Variants in TMEM67 observed in about 807,000 individuals in gnomAD.
TMEM67 encodes the protein meckelin.
A neutral mutation model predicts 136.6 loss-of-function variants in TMEM67; 124 were observed. The observed-to-expected ratio is 0.91, with a 90% CI of 0.78 to 1.05. The LOEUF is 1.05. TMEM67 is among the 50% of genes least tolerant of loss of function. The pLI, the probability that TMEM67 is intolerant of heterozygous loss-of-function variation, is 0.00. For synonymous variants in TMEM67, 364 were observed against 390.5 expected, an observed-to-expected ratio of 0.93 and a Z score of 0.80; for missense variants, 1,107 against 1,178.4, an observed-to-expected ratio of 0.94 and a Z score of 0.89.
intron 13 of TMEM67, 92 bp from the exon 14 acceptor site, chr8:93,787,752 A>G (rs1814175985): frequency 2.0e-6 from 2 of 1,006,260 alleles, no homozygotes; most frequent in Non-Finnish European, 3.2e-6. Context: ...TCATCAGACA[A>G]TTCATATTAA....
Position 93,786,278 on chromosome 8 carries a change from A to G in TMEM67, c.1344A>G (p.Val448=). The change falls in exon 13 of 28, where the codon GTA becomes GTG. Residue 448 remains valine, a synonymous_variant. Coordinates refer to ENST00000453321, the MANE Select transcript of TMEM67 (RefSeq NM_153704.6). ...GGCGCATTTTCTTAGTGGATGCAGT[A>G]AGTGGACGAGAAAATGACTTAGGAA... The part of the protein sequence containing the change: ...LTRRIFLVDA[V]SGRENDLGTQ... 1 of 1,614,032 alleles carries G rather than the reference A, an allele frequency of 6.2e-7. No homozygotes were observed. Among genetic ancestry groups the G allele is most frequent in the East Asian group, 2.2e-5 (1 of 44,864 alleles).
intron 16 of TMEM67, among the ~76,000 whole-genome samples, chr8:93,794,256 G>A (rs1210081161): frequency 6.6e-6 from 1 of 151,784 alleles, no homozygotes; most frequent in Non-Finnish European, 1.5e-5. Flanking sequence ...CGTGCTTTTG[G>A]GATCTTGTTT....
intron 3 of TMEM67, among the ~76,000 whole-genome samples, chr8:93,763,567 T>C (rs1812942864): frequency 6.6e-6 from 1 of 152,216 alleles, no homozygotes; most frequent in Non-Finnish European, 1.5e-5. Flanking sequence ...GACTTAATTG[T>C]TACGATGACT....
At chr8:93,799,904 C>CTTT (rs35554591) in intron 21 of TMEM67, 146 bp downstream of exon 21, 133 of 347,716 alleles carry the variant, frequency 3.8e-4, no homozygotes, top group African/African-American at 9.5e-4. Context: ...ATGGTCAGTT[C>CTTT]TTTTTTTTTT....
At chr8:93,756,083 A>G in intron 2 of TMEM67, 1 of 438,022 alleles carries the variant, frequency 2.3e-6, no homozygotes, top group Non-Finnish European at 4.0e-6. Flanking sequence ...CTGAAATCCA[A>G]AAACCACAAA....
chr8:93,829,494 C>T, the TMEM67 span, among the ~76,000 whole-genome samples: 1 of 152,016 alleles, frequency 6.6e-6, no homozygotes, highest in Admixed American at 6.6e-5. Flanking sequence ...TGGATCTACT[C>T]CTCTAACTAC....
At chr8:93,786,773 A>C (rs1273764077) in intron 13 of TMEM67, among the ~76,000 whole-genome samples, 2 of 152,152 alleles carry the variant, frequency 1.3e-5, no homozygotes, top group Non-Finnish European at 2.9e-5. Context: ...TCTCATTATG[A>C]TCCTACGTTA....
chr8:93,755,898 T>A, intron 2 of TMEM67, 32 bp downstream of exon 2: 1 of 1,186,764 alleles, frequency 8.4e-7, no homozygotes, highest in Non-Finnish European at 1.2e-6. Flanking sequence ...ATAACTTACC[T>A]GTAAAAAGTA....
chr8:93,797,545 A>G, intron 20 of TMEM67, 75 bp downstream of exon 20: 1 of 1,418,884 alleles, frequency 7.0e-7, no homozygotes, highest in Non-Finnish European at 9.8e-7. Flanking sequence ...ATTCCAACTA[A>G]GTTTTCATGA....
intron 4 of TMEM67, among the ~76,000 whole-genome samples, chr8:93,764,654 A>G (rs1386652422): frequency 6.6e-6 from 1 of 152,158 alleles, no homozygotes; most frequent in Non-Finnish European, 1.5e-5. Flanking sequence ...CAAGTTTAAT[A>G]TGGAAAATAG....
chr8:93,762,513 G>A (rs775748612), intron 3 of TMEM67, among the ~76,000 whole-genome samples: 3 of 151,832 alleles, frequency 2.0e-5, no homozygotes, highest in South Asian at 2.1e-4. Flanking sequence ...TTTCAGAGAC[G>A]TGGTCTTGTT....
chr8:93,766,682 T>C (rs561337517), intron 6 of TMEM67, among the ~76,000 whole-genome samples: 7 of 152,210 alleles, frequency 4.6e-5, no homozygotes, highest in African/African-American at 1.2e-4. Flanking sequence ...ATTGTTAATA[T>C]TATTATTGAA....
chr8:93,799,830 A>C, intron 21 of TMEM67, 72 bp downstream of exon 21: 1 of 1,241,054 alleles, frequency 8.1e-7, no homozygotes, highest in South Asian at 1.2e-5. Flanking sequence ...ATTACTGATT[A>C]TCATCAAATA....
chr8:93,782,808 C>G (rs1198748490), intron 11 of TMEM67, among the ~76,000 whole-genome samples: 1 of 152,052 alleles, frequency 6.6e-6, no homozygotes, highest in Non-Finnish European at 1.5e-5. Context: ...CTCCCCACCT[C>G]AGATGATCTG....
intron 6 of TMEM67, among the ~76,000 whole-genome samples, chr8:93,770,829 A>G (rs1247715841): frequency 6.6e-6 from 1 of 152,086 alleles, no homozygotes; most frequent in East Asian, 1.9e-4. Context: ...AGCCTGGCCA[A>G]CATGGTGAAA....
intron 7 of TMEM67, among the ~76,000 whole-genome samples, chr8:93,779,657 A>G (rs1300390313): frequency 6.6e-6 from 1 of 152,114 alleles, no homozygotes; most frequent in Non-Finnish European, 1.5e-5. Flanking sequence ...GGAGTTTGCT[A>G]GAGGTCCACT....
chr8:93,779,843 A>T (rs1813730726), intron 7 of TMEM67, among the ~76,000 whole-genome samples: 1 of 152,180 alleles, frequency 6.6e-6, no homozygotes. Context: ...GATCCACTTG[A>T]GGAGGCAGTC....
intron 14 of TMEM67, 84 bp downstream of exon 14, chr8:93,788,033 C>T (rs1814194935): frequency 1.5e-4 from 114 of 777,130 alleles, no homozygotes; most frequent in Admixed American, 9.4e-5. Context: ...AAAAGACAGT[C>T]TTTTTTTTTT....
At chr8:93,754,877 G>T, upstream of TMEM67, 1 of 1,587,192 alleles carries the variant, frequency 6.3e-7, no homozygotes, top group South Asian at 1.1e-5. Context: ...AGAGGCTGAT[G>T]GGGGGCTGGA....
Sources: gnomAD v4.1 joint callset for allele counts (sites outside exome capture counted in the v4.1 genomes callset) on GRCh38, gnomAD v4.1.1 for gene constraint, MANE v1.5 for transcripts, NCBI Gene and HGNC (gene_info 2026-07-23, HGNC 2026-07-21) for gene names.